Variants in INPP5D observed in about 807,000 individuals in gnomAD.
INPP5D encodes phosphatidylinositol 3,4,5-trisphosphate 5-phosphatase 1.
INPP5D carries 33 observed loss-of-function variants against 122.9 expected under a neutral mutation model. That is an observed-to-expected ratio of 0.27 (90% CI 0.20 to 0.36). The LOEUF (loss-of-function observed/expected upper bound fraction) is 0.36. Ranked by LOEUF, INPP5D falls within the 10% of genes least tolerant of loss-of-function variation. INPP5D has a pLI of 1.00. For missense variants in INPP5D, 1,053 were observed against 1,412.7 expected, an observed-to-expected ratio of 0.75 and a Z score of 4.08; for synonymous variants, 584 against 576.2, an observed-to-expected ratio of 1.01 and a Z score of -0.19.
chr2:233,164,294 G>T lies in INPP5D; in HGVS notation c.1438-13G>T. 6.5e-7 allele frequency: 1 copy of T among 1,545,276 alleles called. No individual in the cohort carries two copies. Among genetic ancestry groups the T allele is most frequent in the Non-Finnish European group, 8.7e-7 (1 of 1,143,778 alleles). On this transcript the variant is annotated splice_polypyrimidine_tract_variant and intron_variant, in intron 12 of 26. Coordinates refer to ENST00000445964, the MANE Select transcript of INPP5D (RefSeq NM_001017915.3). The surrounding 1 kb of genome is among the most constrained non-coding windows in gnomAD (Gnocchi z 4.3). ...CACTTGGGCCGAGTATTGCAACGTT[G>T]TCCTCCCACCAGGTCGCCATCCACA...
At chr2:233,149,445 T>G (rs1032527094) in intron 9 of INPP5D, among the ~76,000 whole-genome samples, 1 of 152,126 alleles carries the variant, frequency 6.6e-6, no homozygotes, top group Non-Finnish European at 1.5e-5. Flanking sequence ...TATGGGGAAC[T>G]GGGAGGACCT....
chr2:233,131,035 A>G (rs1443578468), intron 5 of INPP5D: 1 of 274,494 alleles, frequency 3.6e-6, no homozygotes, highest in East Asian at 1.8e-4. Context: ...AAAAGGAAAT[A>G]AATTAAAGTT....
rs775593658 is a variant in INPP5D at position 233,167,518 on chromosome 2, A to C, written c.1556-1787A>C. ...CAGGGATTGAAACCAGGCTGTCGGG[A>C]CTGGAACCAGTTGCTCAGTTCCAGG... On this transcript the variant is annotated intron_variant, in intron 13 of 26. Transcript: ENST00000445964. Among the ~76,000 whole-genome samples the C allele has an allele frequency of 2.0e-5, 3 of 152,146 alleles. No homozygotes were observed. In the South Asian group the frequency reaches 6.2e-4, roughly 32 times the overall value.
chr2:233,107,135 A>G (rs1692487104), intron 2 of INPP5D, among the ~76,000 whole-genome samples: 1 of 152,164 alleles, frequency 6.6e-6, no homozygotes, highest in African/African-American at 2.4e-5. Context: ...GTGGATGCCC[A>G]TGTCTGAGAG....
At chr2:233,176,338 TG>T (rs1385588582) in intron 17 of INPP5D, among the ~76,000 whole-genome samples, 9 of 134,502 alleles carry the variant, frequency 6.7e-5, no homozygotes, top group Admixed American at 2.4e-4. Flanking sequence ...GATGGATGGA[TG>T]GATGGATGGA....
intron 2 of INPP5D, among the ~76,000 whole-genome samples, chr2:233,098,961 T>TTTATTTATTTATTTAC (rs1692227381): frequency 6.6e-6 from 1 of 151,472 alleles, no homozygotes; most frequent in South Asian, 2.1e-4. Flanking sequence ...TATTTATTTA[T>TTTATTTATTTATTTAC]TTATTTTTGA....
intron 9 of INPP5D, among the ~76,000 whole-genome samples, chr2:233,152,995 G>T (rs191650975): frequency 6.6e-6 from 1 of 152,332 alleles, no homozygotes; most frequent in African/African-American, 2.4e-5. Flanking sequence ...CAGGCAAGAG[G>T]CGGTGGCAGC....
Position 233,139,056 on chromosome 2 carries a change from G to A in INPP5D, c.666-786G>A, listed in dbSNP as rs1693578484. Among the ~76,000 whole-genome samples, 5 of 151,938 alleles carry A rather than the reference G, an allele frequency of 3.3e-5. No homozygotes were observed. In the South Asian group the frequency reaches 1.0e-3, roughly 31 times the overall value. On this transcript the variant is annotated intron_variant, in intron 5 of 26. Coordinates refer to ENST00000445964, the MANE Select transcript of INPP5D (RefSeq NM_001017915.3). The stretch of plus-strand genomic sequence containing the variant: ...GGCGTGAGCCACCGTGCCTGGCCCA[G>A]AGCAGCCTTTATTCATATAACAAAG...
chr2:233,088,420 C>T (rs1348185727), intron 2 of INPP5D, among the ~76,000 whole-genome samples: 4 of 152,218 alleles, frequency 2.6e-5, no homozygotes, highest in African/African-American at 4.8e-5. Flanking sequence ...GTGAGGCTGC[C>T]GATGCTTCCC....
At chr2:233,145,400 T>C (rs1693732121) in intron 6 of INPP5D, 16 of 447,372 alleles carry the variant, frequency 3.6e-5, no homozygotes, top group Admixed American at 3.4e-4. Context: ...CCTCTTGATC[T>C]CCATTCTCAC....
At chr2:233,169,167 C>T in intron 13 of INPP5D, 138 bp from the exon 14 acceptor site, 1 of 1,310,558 alleles carries the variant, frequency 7.6e-7, no homozygotes, top group Non-Finnish European at 1.0e-6. Context: ...CGGCTCCCAC[C>T]CTGCACGACC....
At chr2:233,104,757 G>C (rs1052416229) in intron 2 of INPP5D, among the ~76,000 whole-genome samples, 4 of 152,204 alleles carry the variant, frequency 2.6e-5, no homozygotes, top group Admixed American at 2.6e-4. Flanking sequence ...GCTTGAGATG[G>C]ACAAGTGCAA....
chr2:233,075,765 G>A (rs931028322), intron 1 of INPP5D, among the ~76,000 whole-genome samples: 3 of 152,090 alleles, frequency 2.0e-5, no homozygotes, highest in Admixed American at 6.6e-5. Flanking sequence ...CGGGGCTGAT[G>A]GGGTGTGTGT....
At chr2:233,086,022 G>A (rs7608422) in intron 2 of INPP5D, among the ~76,000 whole-genome samples, 33,418 of 152,056 alleles carry the variant, frequency 0.22, 3,892 homozygotes, top group East Asian at 0.39. Flanking sequence ...CTGGGGAATG[G>A]GATGCAAGTG....
chr2:233,166,250 G>C (rs866711220), intron 13 of INPP5D, among the ~76,000 whole-genome samples: 7 of 152,126 alleles, frequency 4.6e-5, no homozygotes, highest in Non-Finnish European at 7.4e-5. Context: ...GAATATGCTC[G>C]GACCTCCTAG....
chr2:233,186,835 G>A lies in INPP5D; in HGVS notation c.2358+910G>A, dbSNP rs542745343. Among the ~76,000 whole-genome samples, 194 of 149,344 alleles carry A rather than the reference G, an allele frequency of 1.3e-3. 1 individual carries two copies. Among genetic ancestry groups the A allele is most frequent in the African/African-American group, 4.5e-3 (182 of 40,610 alleles). ...CCTCCCAGGTTCAAGCGATTCTCCT[G>A]CCTCACCCTCCTGAGTAGCTTGGAC... On this transcript the variant is annotated intron_variant, in intron 21 of 26. Transcript: ENST00000445964.
Position 233,124,029 on chromosome 2 carries a change from T to C in INPP5D, c.350-1716T>C, listed in dbSNP as rs1693077202. Among the ~76,000 whole-genome samples the C allele has an allele frequency of 2.0e-5, 3 of 151,864 alleles. No homozygotes were observed. The South Asian group carries it at 6.2e-4, about 31-fold the overall frequency. ...GGTACTAGGCTTAATACCAGGATGA[T>C]GAAATAATCTGTACAACAAACCCCA... On this transcript the variant is annotated intron_variant, in intron 3 of 26. Coordinates refer to ENST00000445964, the MANE Select transcript of INPP5D (RefSeq NM_001017915.3).
At chr2:233,140,571 A>G (rs1693612185) in intron 6 of INPP5D, 1 of 152,264 alleles carries the variant, frequency 6.6e-6, no homozygotes, top group South Asian at 2.1e-4. Flanking sequence ...GCAGTGGCAC[A>G]ATCACAGCTC....
At position 233,171,768 on chromosome 2, in the gene INPP5D, A is replaced by G. The variant is rs1166552246; in HGVS notation, c.1989+616A>G. Among the ~76,000 whole-genome samples, 12 of 152,252 alleles carry G rather than the reference A, an allele frequency of 7.9e-5. 1 individual carries two copies. Among genetic ancestry groups the G allele is most frequent in the Admixed American group, 7.8e-4 (12 of 15,288 alleles). On this transcript the variant is annotated intron_variant, in intron 17 of 26. Coordinates refer to ENST00000445964, the MANE Select transcript of INPP5D (RefSeq NM_001017915.3). The stretch of plus-strand genomic sequence containing the variant: ...AAGATGTCTTTTCCAGGGACTTCAC[A>G]GTAGGAAAAACAGATATGCAACTAG...
Sources: gnomAD v4.1 joint callset for allele counts (sites outside exome capture counted in the v4.1 genomes callset) on GRCh38, gnomAD v4.1.1 for gene constraint, Gnocchi (gnomAD v3.1) non-coding constraint, MANE v1.5 for transcripts, NCBI Gene and HGNC (gene_info 2026-07-23, HGNC 2026-07-21) for gene names.